NLRP14: variants seen among roughly 807,000 people sequenced by gnomAD.
The protein encoded by NLRP14 is NLR family pyrin domain containing 14, also known as NACHT, LRR and PYD domains-containing protein 14.
In NLRP14, 105 loss-of-function variants were observed where a neutral mutation model predicts 94.7. That is an observed-to-expected ratio of 1.11 (90% confidence interval 0.95 to 1.30). The LOEUF (loss-of-function observed/expected upper bound fraction) is 1.30, where lower values mean the gene tolerates loss of function less well. NLRP14 is among the 50% of genes most tolerant of loss of function. NLRP14 has a pLI of 0.00. For missense variants in NLRP14, 1,362 were observed against 1,254.1 expected (o/e 1.09, Z -1.30); for synonymous variants, 508 against 459.9 (o/e 1.10, Z -1.34).
At chr11:7,064,673 T>C (rs182289380) in intron 10 of NLRP14, among the ~76,000 whole-genome samples, 7 of 152,228 alleles carry the variant, frequency 4.6e-5, no homozygotes, top group Admixed American at 4.6e-4. Context: ...TTTACAATAT[T>C]TACAGAAACC....
At chr11:7,066,775 GTC>G (rs1852712432) in intron 10 of NLRP14, among the ~76,000 whole-genome samples, 1 of 152,160 alleles carries the variant, frequency 6.6e-6, no homozygotes, top group South Asian at 2.1e-4. Flanking sequence ...CCATGCGTAT[GTC>G]CTGAATGGTA....
chr11:7,043,603 C>T lies in NLRP14; in HGVS notation c.1577C>T (p.Thr526Ile), dbSNP rs757157112. ...QSTSYKDPHLTQMKCFLFGLL... is the reference protein window; with the variant it reads ...QSTSYKDPHLIQMKCFLFGLL... ...ACAAGTTATAAAGACCCCCATTTGACACAGATGAAGTGCTTTTTGTTTGGC... is the reference window on the plus strand; with the variant it reads ...ACAAGTTATAAAGACCCCCATTTGATACAGATGAAGTGCTTTTTGTTTGGC... Residue 526 changes from threonine (T) to isoleucine (I), a missense_variant, in exon 4 of 12, where the codon ACA becomes ATA. By Grantham distance (89) the Thr-to-Ile change is moderately conservative. Transcript: ENST00000299481. 6.2e-6 allele frequency: 10 copies of T among 1,614,044 alleles called. No homozygotes were observed. In the Admixed American group the frequency reaches 1.7e-4, roughly 27 times the overall value.
the NLRP14 span, chr11:7,089,567 G>A: frequency 8.4e-7 from 1 of 1,185,638 alleles, no homozygotes; most frequent in East Asian, 4.1e-5. Context: ...TGCCCATGAA[G>A]CGTGGGCCGC....
the NLRP14 span, among the ~76,000 whole-genome samples, chr11:7,085,085 A>G: frequency 1.3e-5 from 2 of 152,148 alleles, no homozygotes; most frequent in African/African-American, 4.8e-5. Context: ...AGCATTAAGT[A>G]TATTCATATT....
chr11:7,051,171 G>A (rs1422091134), intron 6 of NLRP14, among the ~76,000 whole-genome samples: 2 of 152,200 alleles, frequency 1.3e-5, no homozygotes, highest in African/African-American at 4.8e-5. Context: ...CCTTGCAACA[G>A]TAAATACAAT....
chr11:7,042,648 C>T lies in NLRP14; in HGVS notation c.622C>T (p.Gln208Ter). Reference protein sequence around the residue: ...LDWAEGSLYQQRFKYVFYLNG... With the variant: ...LDWAEGSLYQ ...TTGGGCAGAGGGCAGTCTCTACCAG[C>T]AGAGGTTTAAGTATGTTTTTTATCT... is the stretch of plus-strand genomic sequence containing the variant. Residue 208 changes from glutamine (Q) to a stop codon, truncating the protein, a stop_gained, in exon 4 of 12, where the codon CAG becomes TAG. Transcript: ENST00000299481. LOFTEE classifies it high-confidence loss of function. The T allele has an allele frequency of 6.2e-7, 1 of 1,614,162 alleles. No individual in the cohort carries two copies. The highest frequency in any genetic ancestry group is 1.3e-5 in the African/African-American group (1 of 75,040).
Position 7,071,309 on chromosome 11 carries a change from T to C in NLRP14, c.*1T>C. 2 of 1,611,162 alleles carry C rather than the reference T, an allele frequency of 1.2e-6. No individual in the cohort carries two copies. The highest frequency in any genetic ancestry group is 1.7e-6 in the Non-Finnish European group (2 of 1,177,644). On this transcript the variant is annotated 3_prime_UTR_variant, in exon 12 of 12. Coordinates refer to ENST00000299481, the MANE Select transcript of NLRP14 (RefSeq NM_176822.4). ...TGTGTCTTGGTGGTGGTGTTTCTGA[T>C]TTGAAGAAACTGACATTCCTTTAAA...
intron 6 of NLRP14, among the ~76,000 whole-genome samples, chr11:7,051,331 A>G (rs1164768295): frequency 3.3e-5 from 5 of 152,310 alleles, no homozygotes; most frequent in Non-Finnish European, 5.9e-5. Flanking sequence ...TGTTTGCTTC[A>G]TATCTCATGT....
At chr11:7,036,399 G>A (rs1330454753) in intron 1 of NLRP14, among the ~76,000 whole-genome samples, 3 of 152,168 alleles carry the variant, frequency 2.0e-5, no homozygotes, top group African/African-American at 7.2e-5. Flanking sequence ...TCATATAGTA[G>A]AAAGCTAATA....
intron 3 of NLRP14, 58 bp downstream of exon 3, chr11:7,039,843 G>A (rs908213947): frequency 1.7e-5 from 22 of 1,285,690 alleles, no homozygotes; most frequent in Admixed American, 1.2e-4. Flanking sequence ...GATACAGGAC[G>A]GTGATTTATC....
At chr11:7,033,773 G>C (rs1236975304) in intron 1 of NLRP14, among the ~76,000 whole-genome samples, 2 of 152,204 alleles carry the variant, frequency 1.3e-5, no homozygotes, top group African/African-American at 4.8e-5. Flanking sequence ...GTCTGTGAAA[G>C]TTTCTCAGTC....
the NLRP14 span, among the ~76,000 whole-genome samples, chr11:7,080,979 G>A: frequency 1.2e-3 from 180 of 152,196 alleles, 3 homozygotes; most frequent in South Asian, 0.035. Flanking sequence ...GAATCTCTCA[G>A]TTAGGAGGGG....
the NLRP14 span, among the ~76,000 whole-genome samples, chr11:7,086,973 T>C: frequency 3.6e-4 from 55 of 152,218 alleles, no homozygotes; most frequent in Non-Finnish European, 7.1e-4. Context: ...TCTTAACATA[T>C]GTCCCTGAGT....
At chr11:7,065,668 A>G (rs1479020805) in intron 10 of NLRP14, among the ~76,000 whole-genome samples, 3 of 152,066 alleles carry the variant, frequency 2.0e-5, no homozygotes, top group Non-Finnish European at 2.9e-5. Context: ...TTATCAATTT[A>G]AGGAAATTGC....
chr11:7,045,782 T>C (rs1392098185), intron 4 of NLRP14, among the ~76,000 whole-genome samples: 6 of 151,746 alleles, frequency 4.0e-5, no homozygotes, highest in Non-Finnish European at 8.8e-5. Context: ...TAACAGTTAC[T>C]GATTACTAGG....
At position 7,038,599 on chromosome 11, in the gene NLRP14, T is replaced by C. The variant is rs768196384; in HGVS notation, c.13T>C (p.Ser5Pro). The C allele has an allele frequency of 6.2e-7, 1 of 1,613,950 alleles. No homozygotes were observed. Among genetic ancestry groups the C allele is most frequent in the Non-Finnish European group, 8.5e-7 (1 of 1,179,990 alleles). ...ATATTTGGACAAGATGGCAGATTCATCATCATCTTCTTTCTTTCCTGATTT... is the reference window on the plus strand; with the variant it reads ...ATATTTGGACAAGATGGCAGATTCACCATCATCTTCTTTCTTTCCTGATTT... MADS[S>P]SSSFFPDFGL... The change falls in exon 2 of 12, where the codon TCA (serine) becomes CCA (proline). Residue 5 changes from serine to proline, a missense_variant. By Grantham distance (74) the Ser-to-Pro change is moderately conservative (BLOSUM62 -1). Coordinates refer to ENST00000299481, the MANE Select transcript of NLRP14 (RefSeq NM_176822.4).
Position 7,023,982 on chromosome 11 carries a change from T to C in NLRP14, c.-22+3212T>C, listed in dbSNP as rs188065457. ...CCCACCTCCACTGTTAGAGATTACA[T>C]TTCAACAGGAGATTTCAGTGGGGAC... On this transcript the variant is annotated intron_variant, in intron 1 of 11. Coordinates refer to ENST00000299481, the MANE Select transcript of NLRP14 (RefSeq NM_176822.4). Among the ~76,000 whole-genome samples, 21 of 152,246 alleles carry C rather than the reference T, an allele frequency of 1.4e-4. No individual in the cohort carries two copies. The East Asian group carries it at 4.1e-3, about 29-fold the overall frequency.
chr11:7,081,038 G>A, the NLRP14 span, among the ~76,000 whole-genome samples: 7 of 152,186 alleles, frequency 4.6e-5, no homozygotes, highest in East Asian at 1.9e-4. Flanking sequence ...GAGTTATCTC[G>A]AGGCTGGCAT....
At chr11:7,061,780 C>T (rs7102463) in intron 9 of NLRP14, among the ~76,000 whole-genome samples, 12 of 152,026 alleles carry the variant, frequency 7.9e-5, no homozygotes, top group African/African-American at 2.9e-4. Flanking sequence ...ATAGAAGAGA[C>T]GCAACAACAA....
Sources: gnomAD v4.1 joint callset for allele counts (sites outside exome capture counted in the v4.1 genomes callset) on GRCh38, gnomAD v4.1.1 for gene constraint, MANE v1.5 for transcripts, NCBI Gene and HGNC (gene_info 2026-07-23, HGNC 2026-07-21) for gene names.